RANBP3L: variants seen among roughly 807,000 people sequenced by gnomAD.
The protein encoded by RANBP3L is RAN binding protein 3 like.
Under a neutral mutation model 67.2 loss-of-function variants are expected in RANBP3L, and 56 were observed. The ratio of observed to expected loss-of-function variants is 0.83; its 90% CI spans 0.67 to 1.04. The LOEUF (loss-of-function observed/expected upper bound fraction) is 1.04, where lower values mean the gene tolerates loss of function less well. RANBP3L is among the 50% of genes least tolerant of loss of function. RANBP3L has a pLI of 0.00. For missense variants in RANBP3L, 496 were observed against 535.5 expected, an observed-to-expected ratio of 0.93 and a Z score of 0.73; for synonymous variants, 164 against 181.4, an observed-to-expected ratio of 0.90 and a Z score of 0.77.
At chr5:36,298,489 A>T (rs1296718752) in intron 1 of RANBP3L, among the ~76,000 whole-genome samples, 1 of 152,190 alleles carries the variant, frequency 6.6e-6, no homozygotes, top group Admixed American at 6.5e-5. Flanking sequence ...TCACTCTCTA[A>T]AACAAATGGC....
chr5:36,259,160 T>C (rs1579686853), intron 8 of RANBP3L, among the ~76,000 whole-genome samples: 2 of 152,324 alleles, frequency 1.3e-5, no homozygotes, highest in East Asian at 3.9e-4. Flanking sequence ...GGCTGGTCCA[T>C]TTTGGTTCAC....
intron 1 of RANBP3L, among the ~76,000 whole-genome samples, chr5:36,271,587 A>T (rs763266320): frequency 7.9e-5 from 12 of 152,206 alleles, no homozygotes; most frequent in Non-Finnish European, 1.5e-5. Context: ...GGAAAACAAA[A>T]TATAATTATG....
chr5:36,274,238 C>G (rs1750419838), intron 1 of RANBP3L, among the ~76,000 whole-genome samples: 1 of 152,008 alleles, frequency 6.6e-6, no homozygotes, highest in African/African-American at 2.4e-5. Flanking sequence ...AGATGTAGTC[C>G]CTGCCTTTTA....
chr5:36,269,036 C>T (rs1440595021), intron 4 of RANBP3L, among the ~76,000 whole-genome samples: 59 of 152,182 alleles, frequency 3.9e-4, no homozygotes, highest in Admixed American at 1.5e-3. Flanking sequence ...ATGGCCTTTT[C>T]TCCTGCTTAC....
intron 12 of RANBP3L, among the ~76,000 whole-genome samples, chr5:36,252,486 T>C (rs573806613): frequency 6.6e-6 from 1 of 152,254 alleles, no homozygotes; most frequent in African/African-American, 2.4e-5. Context: ...AAATGTACTA[T>C]TGTTACCATC....
chr5:36,283,647 A>G (rs1454300999), intron 1 of RANBP3L, among the ~76,000 whole-genome samples: 2 of 151,816 alleles, frequency 1.3e-5, no homozygotes, highest in Non-Finnish European at 2.9e-5. Flanking sequence ...AAAATAATCC[A>G]TTTTCAGCAT....
rs1748410138 is a variant in RANBP3L, at chr5:36,248,604, T to G, written c.*1050A>C. The G allele has an allele frequency of 6.6e-6, 1 of 152,196 alleles. No individual in the cohort carries two copies. The highest frequency in any genetic ancestry group is 2.1e-4 in the South Asian group (1 of 4,834). The allele number at this position is 152,196 out of a possible 1,614,324, so 9.4% of individuals were successfully genotyped here. On this transcript the variant is annotated 3_prime_UTR_variant, in exon 14 of 14. Coordinates refer to ENST00000296604, the MANE Select transcript of RANBP3L (RefSeq NM_145000.5). ...AAATATGTTGTCATTGTTCAGAACA[T>G]TTTCAGAAACATCTTGGAATTATGA...
At chr5:36,287,784 A>C (rs1284809610) in intron 1 of RANBP3L, among the ~76,000 whole-genome samples, 1 of 152,204 alleles carries the variant, frequency 6.6e-6, no homozygotes, top group Non-Finnish European at 1.5e-5. Flanking sequence ...TCTAAGCTTT[A>C]GGAATAAAAG....
chr5:36,259,174 C>T (rs1450213262), intron 8 of RANBP3L, among the ~76,000 whole-genome samples: 1 of 152,194 alleles, frequency 6.6e-6, no homozygotes, highest in East Asian at 1.9e-4. Context: ...GGTTCACATC[C>T]AAAGGCATAG....
chr5:36,271,373 T>C, intron 1 of RANBP3L, 62 bp from the exon 2 acceptor site: 3 of 1,077,212 alleles, frequency 2.8e-6, no homozygotes, highest in Non-Finnish European at 4.1e-6. Flanking sequence ...TTACATCATC[T>C]AAAAATATTT....
chr5:36,287,399 G>A (rs1471164760), intron 1 of RANBP3L, among the ~76,000 whole-genome samples: 5 of 152,120 alleles, frequency 3.3e-5, no homozygotes, highest in African/African-American at 7.2e-5. Context: ...CACTAGAGTC[G>A]AGAACAGTGC....
At chr5:36,292,401 T>C (rs1751859189) in intron 1 of RANBP3L, among the ~76,000 whole-genome samples, 1 of 152,022 alleles carries the variant, frequency 6.6e-6, no homozygotes, top group Non-Finnish European at 1.5e-5. Context: ...GCTCTTGAGT[T>C]TAATTAGATC....
At chr5:36,294,144 C>T (rs981568623) in intron 1 of RANBP3L, among the ~76,000 whole-genome samples, 9 of 151,944 alleles carry the variant, frequency 5.9e-5, no homozygotes, top group Admixed American at 1.3e-4. Context: ...GTGTATGTAT[C>T]GAGGAATTTA....
intron 12 of RANBP3L, among the ~76,000 whole-genome samples, chr5:36,252,972 C>T (rs1748703385): frequency 6.6e-6 from 1 of 152,026 alleles, no homozygotes. Flanking sequence ...AATCAGTCTT[C>T]TCCAGTCAGT....
chr5:36,294,784 A>G (rs1055197050), intron 1 of RANBP3L, among the ~76,000 whole-genome samples: 1 of 148,632 alleles, frequency 6.7e-6, no homozygotes, highest in Admixed American at 6.7e-5. Flanking sequence ...GTGTGTATGT[A>G]TAGTGTATAT....
intron 1 of RANBP3L, among the ~76,000 whole-genome samples, chr5:36,299,389 C>T (rs1752467100): frequency 1.3e-5 from 2 of 150,750 alleles, no homozygotes; most frequent in South Asian, 2.1e-4. Context: ...AGTTCTGTCC[C>T]TCTAGAGAAC....
At chr5:36,257,127 G>A in intron 9 of RANBP3L, 56 bp from the exon 10 acceptor site, 4 of 1,488,180 alleles carry the variant, frequency 2.7e-6, no homozygotes, top group South Asian at 2.5e-5. Flanking sequence ...TACTGTGAAA[G>A]TTCTTTGTTG....
rs1395094206 is a variant in RANBP3L at position 36,248,669 on chromosome 5, A to G, written c.*985T>C. The G allele has an allele frequency of 6.6e-6, 1 of 152,168 alleles. No homozygotes were observed. The highest frequency in any genetic ancestry group is 1.5e-5 in the Non-Finnish European group (1 of 68,006). 9.4% of individuals were successfully genotyped at this position (152,168 alleles called of 1,614,324 possible). ...ATCAGATAATTGCTTAGGGGTCACA[A>G]TCAAAGTCACTTCGAAGCCATGGTG... On this transcript the variant is annotated 3_prime_UTR_variant, in exon 14 of 14. Coordinates refer to ENST00000296604, the MANE Select transcript of RANBP3L (RefSeq NM_145000.5).
chr5:36,283,204 T>A (rs968427121), intron 1 of RANBP3L, among the ~76,000 whole-genome samples: 1 of 151,894 alleles, frequency 6.6e-6, no homozygotes, highest in African/African-American at 2.4e-5. Flanking sequence ...ATTACAGGCA[T>A]GTGCCACCAT....
Sources: allele counts gnomAD v4.1 joint callset (sites outside exome capture counted in the v4.1 genomes callset), GRCh38; gene constraint gnomAD v4.1.1; transcripts MANE v1.5; gene names NCBI Gene and HGNC (gene_info 2026-07-23, HGNC 2026-07-21).